Variants in IL1RAPL1 observed in about 807,000 individuals in gnomAD.
IL1RAPL1 encodes the protein interleukin 1 receptor accessory protein like 1.
A neutral mutation model predicts 48.4 loss-of-function variants in IL1RAPL1; 3 were observed. The observed-to-expected ratio is 0.06, with a 90% CI of 0.03 to 0.16. The LOEUF (loss-of-function observed/expected upper bound fraction) is 0.16, where lower values mean the gene tolerates loss of function less well. Among genes scored for constraint, IL1RAPL1 ranks in the 10% least tolerant of loss-of-function variants. The probability of loss-of-function intolerance (pLI) is 1.00; values close to 1 mark genes in which losing one functional copy is unlikely to be tolerated. For synonymous variants in IL1RAPL1, 185 were observed against 187.7 expected, an observed-to-expected ratio of 0.99 and a Z score of 0.12; for missense variants, 349 against 530.6, an observed-to-expected ratio of 0.66 and a Z score of 3.36.
chrX:29,873,723 T>A (rs1931849012), intron 6 of IL1RAPL1, among the ~76,000 whole-genome samples: 1 of 112,083 alleles, frequency 8.9e-6, no homozygotes, highest in Non-Finnish European at 1.9e-5. Context: ...CAAGTGATGA[T>A]GTTTCTAGAG....
At chrX:29,883,008 G>A (rs1398647365) in intron 6 of IL1RAPL1, among the ~76,000 whole-genome samples, 1 of 111,353 alleles carries the variant, frequency 9.0e-6, no homozygotes, top group East Asian at 2.8e-4. Flanking sequence ...ATAGATGAAC[G>A]ATGCTATAAA....
At chrX:28,894,591 G>A (rs1398525159) in intron 2 of IL1RAPL1, among the ~76,000 whole-genome samples, 2 of 111,266 alleles carry the variant, frequency 1.8e-5, no homozygotes, top group Non-Finnish European at 3.8e-5. Flanking sequence ...AAGTATATGC[G>A]TCAGGTGGGA....
rs184333494 is a variant in IL1RAPL1, at chrX:28,923,246, G to A, written c.82+133821G>A. ...GGCTGGAGTGCGATGGTGCGTTCTC[G>A]GCTCACTGCAACCTCTGCCTCCCGG... On this transcript the variant is annotated intron_variant, in intron 2 of 10. Transcript: ENST00000378993. Among the ~76,000 whole-genome samples the A allele has an allele frequency of 3.7e-3, 409 of 109,512 alleles. 2 individuals are homozygous for A. Among genetic ancestry groups the A allele is most frequent in the African/African-American group, 0.013 (391 of 29,954 alleles).
chrX:29,775,745 G>A (rs1485649159), intron 6 of IL1RAPL1, among the ~76,000 whole-genome samples: 7 of 111,414 alleles, frequency 6.3e-5, no homozygotes, highest in Non-Finnish European at 3.8e-5. Context: ...TTTATGTGCC[G>A]AGAGATGGGA....
At chrX:28,721,769 G>A (rs1389559897) in intron 1 of IL1RAPL1, among the ~76,000 whole-genome samples, 2 of 110,961 alleles carry the variant, frequency 1.8e-5, no homozygotes, top group South Asian at 3.8e-4. Context: ...ATTAATTTTT[G>A]TATAAGGTGT....
chrX:28,852,819 C>T (rs143196457), intron 2 of IL1RAPL1, among the ~76,000 whole-genome samples: 2 of 110,899 alleles, frequency 1.8e-5, no homozygotes, highest in African/African-American at 3.3e-5. Context: ...CCTGAATGCT[C>T]GCCTTCAGAT....
At chrX:29,277,343 A>T (rs1266418483) in intron 2 of IL1RAPL1, among the ~76,000 whole-genome samples, 1 of 112,121 alleles carries the variant, frequency 8.9e-6, no homozygotes. Flanking sequence ...AAGTAAAAAA[A>T]GAAGATTCAA....
chrX:29,608,622 C>A (rs190399237), intron 5 of IL1RAPL1, among the ~76,000 whole-genome samples: 1 of 109,195 alleles, frequency 9.2e-6, no homozygotes, highest in African/African-American at 3.4e-5. Context: ...GTCAGGAGAT[C>A]GAGACCATCC....
At chrX:28,905,108 C>A (rs73208066) in intron 2 of IL1RAPL1, among the ~76,000 whole-genome samples, 1 of 111,271 alleles carries the variant, frequency 9.0e-6, no homozygotes, top group Non-Finnish European at 1.9e-5. Context: ...AAGATAAACA[C>A]ATTTATTATT....
chrX:28,867,566 A>G (rs1209434746), intron 2 of IL1RAPL1, among the ~76,000 whole-genome samples: 8 of 111,980 alleles, frequency 7.1e-5, no homozygotes, highest in Non-Finnish European at 1.3e-4. Context: ...AACTTATTCC[A>G]GAATTTGTTT....
At chrX:29,773,965 T>C (rs183671993) in intron 6 of IL1RAPL1, among the ~76,000 whole-genome samples, 1 of 111,976 alleles carries the variant, frequency 8.9e-6, no homozygotes, top group East Asian at 2.8e-4. Flanking sequence ...TATACATATA[T>C]AGAGGGAACA....
At chrX:28,810,805 A>G (rs889466706) in intron 2 of IL1RAPL1, among the ~76,000 whole-genome samples, 31 of 110,136 alleles carry the variant, frequency 2.8e-4, no homozygotes, top group Non-Finnish European at 2.9e-4. Context: ...TCTCATGCCC[A>G]CTGTCCTATG....
intron 2 of IL1RAPL1, among the ~76,000 whole-genome samples, chrX:29,194,307 C>T (rs1260971463): frequency 8.9e-6 from 1 of 112,158 alleles, no homozygotes; most frequent in East Asian, 2.8e-4. Context: ...AAAGCTAGTA[C>T]CTCTGTTTTT....
At chrX:29,320,274 A>G (rs1269877184) in intron 3 of IL1RAPL1, among the ~76,000 whole-genome samples, 1 of 111,905 alleles carries the variant, frequency 8.9e-6, no homozygotes, top group East Asian at 2.8e-4. Context: ...GATACACGAC[A>G]TTATTCAGAT....
intron 5 of IL1RAPL1, among the ~76,000 whole-genome samples, chrX:29,577,355 A>T (rs1242883589): frequency 7.2e-5 from 8 of 111,543 alleles, no homozygotes; most frequent in Admixed American, 5.7e-4. Context: ...TCCATATACT[A>T]CAATGCCCTA....
chrX:29,252,258 A>G (rs1309765143), intron 2 of IL1RAPL1, among the ~76,000 whole-genome samples: 1 of 109,922 alleles, frequency 9.1e-6, no homozygotes, highest in Non-Finnish European at 1.9e-5. Flanking sequence ...TAAAACTTAA[A>G]GTACAATAAT....
intron 1 of IL1RAPL1, among the ~76,000 whole-genome samples, chrX:28,605,172 G>A (rs1334044325): frequency 8.9e-6 from 1 of 112,131 alleles, no homozygotes; most frequent in African/African-American, 3.2e-5. Context: ...ATGGCTATCA[G>A]TATCCTTTTT....
chrX:29,857,520 A>G (rs1931498170), intron 6 of IL1RAPL1, among the ~76,000 whole-genome samples: 2 of 111,978 alleles, frequency 1.8e-5, no homozygotes, highest in African/African-American at 6.5e-5. Flanking sequence ...TTCCTTTCAA[A>G]GAAAATCTGA....
chrX:29,921,473 A>G lies in IL1RAPL1; in HGVS notation c.1057+1379A>G, dbSNP rs150909362. On this transcript the variant is annotated intron_variant, in intron 8 of 10. Coordinates refer to ENST00000378993, the MANE Select transcript of IL1RAPL1 (RefSeq NM_014271.4). ...GGTGACTATGGTACTAAAATAGTCTACCTTTTAGGGATGTGAGTCAAGGAG... is the reference window on the plus strand; with the variant it reads ...GGTGACTATGGTACTAAAATAGTCTGCCTTTTAGGGATGTGAGTCAAGGAG... 5.4e-5 allele frequency among the ~76,000 whole-genome samples: 6 copies of G among 112,085 alleles called. No individual in the cohort carries two copies. The East Asian group carries it at 1.7e-3, about 31-fold the overall frequency.
Sources: allele counts gnomAD v4.1 joint callset (sites outside exome capture counted in the v4.1 genomes callset), GRCh38; gene constraint gnomAD v4.1.1; transcripts MANE v1.5; gene names NCBI Gene and HGNC (gene_info 2026-07-23, HGNC 2026-07-21).